The following SSH2 variants were observed in gnomAD, a reference collection of about 807,000 sequenced individuals.
The protein encoded by SSH2 is protein phosphatase Slingshot homolog 2.
In SSH2, 37 loss-of-function variants were observed where a neutral mutation model predicts 135.2. That is an observed-to-expected ratio of 0.27 (90% CI 0.21 to 0.36). The LOEUF is 0.36. Among genes scored for constraint, SSH2 ranks in the 10% least tolerant of loss-of-function variants. The pLI is 1.00. For synonymous variants in SSH2, 628 were observed against 646.2 expected, an observed-to-expected ratio of 0.97 and a Z score of 0.43; for missense variants, 1,408 against 1,765.3, an observed-to-expected ratio of 0.80 and a Z score of 3.63.
chr17:29,717,445 T>A (rs537432132), intron 3 of SSH2, among the ~76,000 whole-genome samples: 1 of 152,320 alleles, frequency 6.6e-6, no homozygotes, highest in African/African-American at 2.4e-5. Context: ...CCATTGACAA[T>A]TAATTGTACT....
At chr17:29,925,991 A>T (rs1426454015) in intron 1 of SSH2, among the ~76,000 whole-genome samples, 2 of 152,188 alleles carry the variant, frequency 1.3e-5, no homozygotes, top group Non-Finnish European at 2.9e-5. Context: ...ATAATCAGGA[A>T]ACATCTATTA....
In SSH2 at chr17:29,913,347, A is replaced by AAAAAAAAAAAAAAAAATTATATATAT; in HGVS notation, c.63+16590_63+16591insATATATATAATTTTTTTTTTTTTTTT. Among the ~76,000 whole-genome samples, 7 of 28,786 alleles carry AAAAAAAAAAAAAAAAATTATATATAT rather than the reference A, an allele frequency of 2.4e-4. 2 individuals carry two copies. The highest frequency in any genetic ancestry group is 2.9e-4 in the Non-Finnish European group (5 of 16,996). 18.9% of individuals were successfully genotyped at this position (28,786 alleles called of 152,430 possible). On this transcript the variant is annotated intron_variant, in intron 1 of 15. Coordinates refer to ENST00000540801, the MANE Select transcript of SSH2 (RefSeq NM_001282129.2). ...AAAAAAAAAAAAAAAAAAAAAAAAA[A>AAAAAAAAAAAAAAAAATTATATATAT]ATATATATATATATATATATATATA...
rs1383170818 is a variant in SSH2, at chr17:29,696,374, TATAA to T, written c.293-855_293-852del. Among the ~76,000 whole-genome samples the T allele has an allele frequency of 3.4e-5, 5 of 148,174 alleles. 1 individual carries two copies. The South Asian group carries it at 8.5e-4, about 25-fold the overall frequency. ...TATATACTCTCATAATATCCATACA[TATAA>T]ATATATATTTATATTTATACATATC... On this transcript the variant is annotated intron_variant, in intron 4 of 15. Transcript: ENST00000540801.
chr17:29,708,589 C>CAA (rs61012646), intron 3 of SSH2, among the ~76,000 whole-genome samples: 1 of 98,914 alleles, frequency 1.0e-5, no homozygotes, highest in Admixed American at 1.0e-4. Context: ...AACTCTGCTT[C>CAA]AAAAAAAAAA....
intron 1 of SSH2, among the ~76,000 whole-genome samples, chr17:29,851,188 T>G (rs980579993): frequency 1.3e-5 from 2 of 152,080 alleles, no homozygotes; most frequent in African/African-American, 4.8e-5. Context: ...TTGAAAGAAT[T>G]AAAATGGTAG....
At position 29,631,985 on chromosome 17, in the gene SSH2, T is replaced by G; in HGVS notation, c.3209A>C (p.Lys1070Thr). The change falls in exon 16 of 16, where the codon AAA (lysine) becomes ACA (threonine). Residue 1070 changes from lysine (K) to threonine (T), a missense_variant. Coordinates refer to ENST00000540801, the MANE Select transcript of SSH2 (RefSeq NM_001282129.2). ...SEKSGEQGLR[K>T]VNMEKSVTVL... is the part of the protein sequence containing the mutation. ...AGTGACAGATTTTTCCATGTTCACT[T>G]TCCTCAGCCCTTGCTCTCCGCTCTT... The G allele has an allele frequency of 6.2e-7, 1 of 1,614,228 alleles. No individual in the cohort carries two copies. The highest frequency in any genetic ancestry group is 1.7e-5 in the Admixed American group (1 of 60,028).
At chr17:29,723,160 G>A (rs2039879014) in intron 3 of SSH2, among the ~76,000 whole-genome samples, 1 of 151,884 alleles carries the variant, frequency 6.6e-6, no homozygotes, top group Non-Finnish European at 1.5e-5. Context: ...GATGAGATAT[G>A]GTACAATATA....
chr17:29,833,785 C>G (rs576576996), intron 2 of SSH2, among the ~76,000 whole-genome samples: 1 of 60,002 alleles, frequency 1.7e-5, no homozygotes, highest in East Asian at 5.8e-4. Context: ...CTCCCTCCCT[C>G]CCTTTCTCCT....
chr17:29,670,914 C>T (rs2037466738), intron 9 of SSH2, among the ~76,000 whole-genome samples: 1 of 152,126 alleles, frequency 6.6e-6, no homozygotes. Flanking sequence ...TGTAGAATAC[C>T]TTGGAAGTGC....
At chr17:29,800,500 A>C (rs2042230861) in intron 2 of SSH2, among the ~76,000 whole-genome samples, 2 of 152,218 alleles carry the variant, frequency 1.3e-5, no homozygotes, top group South Asian at 4.1e-4. Flanking sequence ...ACACATTGTT[A>C]CTGAAAAATG....
chr17:29,806,082 T>C (rs938358884), intron 2 of SSH2, among the ~76,000 whole-genome samples: 1 of 152,228 alleles, frequency 6.6e-6, no homozygotes, highest in African/African-American at 2.4e-5. Flanking sequence ...AGTCATATAC[T>C]TGGTTTGCCA....
At chr17:29,797,427 A>G (rs2042177666) in intron 2 of SSH2, among the ~76,000 whole-genome samples, 1 of 152,188 alleles carries the variant, frequency 6.6e-6, no homozygotes, top group Non-Finnish European at 1.5e-5. Flanking sequence ...ACTTTATGGG[A>G]AGATTTTTGA....
intron 5 of SSH2, among the ~76,000 whole-genome samples, chr17:29,692,345 T>C (rs1447398921): frequency 1.3e-5 from 2 of 152,290 alleles, no homozygotes; most frequent in East Asian, 3.9e-4. Flanking sequence ...CATTGACTCA[T>C]TTTCTTGAAG....
intron 3 of SSH2, among the ~76,000 whole-genome samples, chr17:29,755,333 A>T (rs2041079971): frequency 6.6e-6 from 1 of 152,188 alleles, no homozygotes; most frequent in South Asian, 2.1e-4. Context: ...TATAATAGTA[A>T]CTACAGTTTA....
chr17:29,770,106 T>G (rs866788998), intron 3 of SSH2, among the ~76,000 whole-genome samples: 1 of 148,712 alleles, frequency 6.7e-6, no homozygotes, highest in East Asian at 1.9e-4. Flanking sequence ...TTTTTTTTTT[T>G]TTTTTTTTTT....
At chr17:29,766,516 T>A (rs1479975220) in intron 3 of SSH2, among the ~76,000 whole-genome samples, 2 of 151,966 alleles carry the variant, frequency 1.3e-5, no homozygotes, top group East Asian at 3.8e-4. Context: ...TTCCCCTATG[T>A]ACCACCATTT....
intron 3 of SSH2, among the ~76,000 whole-genome samples, chr17:29,747,188 T>C (rs918401366): frequency 6.6e-6 from 1 of 152,158 alleles, no homozygotes; most frequent in African/African-American, 2.4e-5. Flanking sequence ...AACAAACATA[T>C]ACAACAATTT....
At chr17:29,710,950 A>G (rs981258971) in intron 3 of SSH2, among the ~76,000 whole-genome samples, 1 of 152,198 alleles carries the variant, frequency 6.6e-6, no homozygotes, top group Non-Finnish European at 1.5e-5. Flanking sequence ...CCCCTGCAGC[A>G]TGACCAAACA....
chr17:29,709,677 A>C (rs1281629845), intron 3 of SSH2, among the ~76,000 whole-genome samples: 1 of 149,618 alleles, frequency 6.7e-6, no homozygotes, highest in East Asian at 2.2e-4. Flanking sequence ...ACTCCATTTC[A>C]AAAAAAAAAT....
Sources: gnomAD v4.1 joint callset for allele counts (sites outside exome capture counted in the v4.1 genomes callset) on GRCh38, gnomAD v4.1.1 for gene constraint, MANE v1.5 for transcripts, NCBI Gene and HGNC (gene_info 2026-07-23, HGNC 2026-07-21) for gene names.